ZNF892: variants seen among roughly 807,000 people sequenced by gnomAD.
ZNF892 encodes the protein zinc finger protein 570-like.
At chr2:95,232,282 T>A in the ZNF892 span, among the ~76,000 whole-genome samples, 5 of 152,194 alleles carry the variant, frequency 3.3e-5, no homozygotes, top group Non-Finnish European at 5.9e-5. Flanking sequence ...CAGGCACTGT[T>A]TTAATTGTTG....
At chr2:95,260,442 C>T in the ZNF892 span, among the ~76,000 whole-genome samples, 1 of 152,192 alleles carries the variant, frequency 6.6e-6, no homozygotes, top group African/African-American at 2.4e-5. Context: ...CTCCATTCTG[C>T]TGACACTCAT....
chr2:95,220,551 A>G, the ZNF892 span, among the ~76,000 whole-genome samples: 90 of 151,980 alleles, frequency 5.9e-4, no homozygotes, highest in Non-Finnish European at 1.8e-4. Context: ...AATATCCCGG[A>G]TTTTTAGTTG....
the ZNF892 span, among the ~76,000 whole-genome samples, chr2:95,228,916 T>A: frequency 6.6e-6 from 1 of 152,238 alleles, no homozygotes; most frequent in East Asian, 1.9e-4. Context: ...CATATCTGAT[T>A]TGCCTCTTTG....
chr2:95,207,500 G>C, the ZNF892 span: 1 of 275,046 alleles, frequency 3.6e-6, no homozygotes, highest in African/African-American at 2.2e-5. Context: ...GCCGCGCCCC[G>C]CGGAGGATTC....
chr2:95,251,148 A>G, the ZNF892 span, among the ~76,000 whole-genome samples: 1 of 152,086 alleles, frequency 6.6e-6, no homozygotes, highest in Non-Finnish European at 1.5e-5. Flanking sequence ...AAAATCACCT[A>G]TACATAACAT....
chr2:95,215,176 G>T, the ZNF892 span: 1 of 455,508 alleles, frequency 2.2e-6, no homozygotes. Flanking sequence ...CAGCACCAGA[G>T]AACTCATACT....
the ZNF892 span, among the ~76,000 whole-genome samples, chr2:95,210,239 G>GTA: frequency 1.7e-4 from 26 of 148,722 alleles, no homozygotes; most frequent in South Asian, 1.1e-3. Context: ...GTGTATATAT[G>GTA]TATATATATA....
the ZNF892 span, among the ~76,000 whole-genome samples, chr2:95,249,720 G>A: frequency 6.6e-6 from 1 of 151,806 alleles, no homozygotes; most frequent in African/African-American, 2.4e-5. Flanking sequence ...TTTTGGATGT[G>A]ACAAAAATAA....
chr2:95,222,499 A>T, the ZNF892 span, among the ~76,000 whole-genome samples: 1 of 152,046 alleles, frequency 6.6e-6, no homozygotes, highest in Non-Finnish European at 1.5e-5. Context: ...AGGTATTCTC[A>T]TTGTTTTTAT....
chr2:95,248,716 T>C, the ZNF892 span, among the ~76,000 whole-genome samples: 3 of 152,158 alleles, frequency 2.0e-5, no homozygotes, highest in Non-Finnish European at 4.4e-5. Context: ...AAAATATTTA[T>C]AAGTAAATCT....
the ZNF892 span, chr2:95,208,796 C>A: frequency 2.5e-6 from 1 of 398,468 alleles, no homozygotes; most frequent in South Asian, 1.3e-4. Context: ...GTCTTTCCTT[C>A]CAGTGCTTAT....
At chr2:95,240,945 C>A in the ZNF892 span, among the ~76,000 whole-genome samples, 3 of 152,228 alleles carry the variant, frequency 2.0e-5, no homozygotes, top group Non-Finnish European at 4.4e-5. Flanking sequence ...GGTGGGACCT[C>A]CCTGCAGGGG....
At chr2:95,213,862 T>C in the ZNF892 span, among the ~76,000 whole-genome samples, 2 of 152,124 alleles carry the variant, frequency 1.3e-5, no homozygotes, top group African/African-American at 2.4e-5. Context: ...TAGGAAAAGA[T>C]TGGTGGCAAG....
chr2:95,224,797 C>A, the ZNF892 span, among the ~76,000 whole-genome samples: 1 of 152,166 alleles, frequency 6.6e-6, no homozygotes, highest in African/African-American at 2.4e-5. Flanking sequence ...AATGGGAGGT[C>A]AATGGATTAT....
At chr2:95,260,332 C>T in the ZNF892 span, among the ~76,000 whole-genome samples, 6 of 152,258 alleles carry the variant, frequency 3.9e-5, no homozygotes, top group East Asian at 7.7e-4. Context: ...TTGCTTCACA[C>T]TGACTTTGAA....
the ZNF892 span, among the ~76,000 whole-genome samples, chr2:95,226,119 G>T: frequency 1.3e-5 from 2 of 152,204 alleles, no homozygotes; most frequent in African/African-American, 4.8e-5. Flanking sequence ...TGATCCCACA[G>T]TTCCACTGGG....
the ZNF892 span, among the ~76,000 whole-genome samples, chr2:95,255,975 C>T: frequency 6.6e-6 from 1 of 152,264 alleles, no homozygotes; most frequent in South Asian, 2.1e-4. Context: ...ATGTGTGTCT[C>T]TGCACTTGAG....
At chr2:95,241,564 A>T in the ZNF892 span, among the ~76,000 whole-genome samples, 3 of 152,046 alleles carry the variant, frequency 2.0e-5, no homozygotes, top group Non-Finnish European at 4.4e-5. Flanking sequence ...AGTGCTGAAA[A>T]CTCAAAAAGC....
At chr2:95,221,001 C>A in the ZNF892 span, among the ~76,000 whole-genome samples, 1 of 152,120 alleles carries the variant, frequency 6.6e-6, no homozygotes, top group Admixed American at 6.5e-5. Context: ...TGCCATATGA[C>A]ATATGATATC....
Sources: gnomAD v4.1 joint callset for allele counts (sites outside exome capture counted in the v4.1 genomes callset) on GRCh38, gnomAD v4.1.1 for gene constraint, MANE v1.5 for transcripts, NCBI Gene and HGNC (gene_info 2026-07-23, HGNC 2026-07-21) for gene names.